Variants in MAST3 observed in about 807,000 individuals in gnomAD.
MAST3 encodes microtubule-associated serine/threonine-protein kinase 3.
A neutral mutation model predicts 127.0 loss-of-function variants in MAST3; 43 were observed. The observed-to-expected ratio is 0.34, with a 90% CI of 0.27 to 0.44. MAST3 has a LOEUF of 0.44. MAST3 is among the 20% of genes least tolerant of loss of function. The pLI is 1.00. For synonymous variants in MAST3, 785 were observed against 809.2 expected (o/e 0.97, Z 0.51); for missense variants, 1,390 against 1,919.1 (o/e 0.72, Z 5.15).
In MAST3 at chr19:18,145,131, G is replaced by A. The variant is rs200457728; in HGVS notation, c.2941G>A (p.Val981Ile). Residue 981 changes from valine to isoleucine, a missense_variant, in exon 24 of 28, where the codon GTT becomes ATT. Val to Ile is a conservative substitution (Grantham distance 29). This residue lies in a region of MAST3 where 816 missense variants were observed against 934.1 expected (regional missense o/e 0.87). Coordinates refer to ENST00000687212, the MANE Select transcript of MAST3 (RefSeq NM_001393504.1). The surrounding 1 kb of genome is among the most constrained non-coding windows in gnomAD (Gnocchi z 5.9). ...PVCGSLRPPI[V>I]IHSSGKKYGF... ...GTGTGGCAGCCTGCGGCCCCCCATC[G>A]TTATCCACAGCTCTGGCAAGAAGTA... 122 of 1,613,740 alleles carry A rather than the reference G, an allele frequency of 7.6e-5. 1 individual carries two copies. The highest frequency in any genetic ancestry group is 1.4e-4 in the South Asian group (13 of 91,080).
rs1264805572 is a variant in MAST3, at chr19:18,149,993, T to C, written c.*267T>C. Reference sequence around the variant, plus strand: ...TTTATTACTTTTTTTTTCTTTTTTTTTTTTTTTTTTTGAGACAGAGTCTCA... The same window carrying C: ...TTTATTACTTTTTTTTTCTTTTTTTCTTTTTTTTTTTGAGACAGAGTCTCA... On this transcript the variant is annotated 3_prime_UTR_variant, in exon 28 of 28. Transcript: ENST00000687212. This position sits in a 1 kb window ranked among gnomAD's most constrained non-coding sequence, Gnocchi z 5.9. 3 of 368,816 alleles carry C rather than the reference T, an allele frequency of 8.1e-6. No individual in the cohort carries two copies. The highest frequency in any genetic ancestry group is 1.5e-5 in the Non-Finnish European group (3 of 203,398). 22.8% of individuals were successfully genotyped at this position (368,816 alleles called of 1,614,324 possible).
chr19:18,123,304 A>C lies in MAST3; in HGVS notation c.487A>C (p.Ser163Arg). 6.2e-7 allele frequency: 1 copy of C among 1,613,818 alleles called. No individual in the cohort carries two copies. ...GCACTTCCTGTCCAAGCACTTCCGC[A>C]GCTCAGAGAATGTGCTTGATGAGGA... is the stretch of plus-strand genomic sequence containing the variant. ...ELHFLSKHFR[S>R]SENVLDEEGG... is the part of the protein sequence containing the mutation. Residue 163 changes from serine (S) to arginine (R), a missense_variant, in exon 7 of 28, where the codon AGC (serine) becomes CGC (arginine). Physicochemically the swap from Ser to Arg is moderately radical, Grantham distance 110 (BLOSUM62 -1). Transcript: ENST00000687212.
At position 18,124,385 on chromosome 19, in the gene MAST3, G is replaced by C. The variant is rs374093066; in HGVS notation, c.945+19G>C. On this transcript the variant is annotated intron_variant, in intron 10 of 27. Transcript: ENST00000687212. ...GTGTCTGGTAAGTTTCTCTTTCTAC[G>C]GCCAGCTTGGGGTCCAGGCAGAACT... is the stretch of plus-strand genomic sequence containing the variant. 2.5e-6 allele frequency: 4 copies of C among 1,574,598 alleles called. No individual in the cohort carries two copies. In the South Asian group the frequency reaches 3.5e-5, roughly 14 times the overall value.
At position 18,112,810 on chromosome 19, in the gene MAST3, G is replaced by C. The variant is rs558812177; in HGVS notation, c.161+2069G>C. Among the ~76,000 whole-genome samples, 1 of 152,246 alleles carries C rather than the reference G, an allele frequency of 6.6e-6. No individual in the cohort carries two copies. Among genetic ancestry groups the C allele is most frequent in the South Asian group, 2.1e-4 (1 of 4,828 alleles). On this transcript the variant is annotated intron_variant, in intron 3 of 27. Transcript: ENST00000687212. The surrounding 1 kb of genome is among the most constrained non-coding windows in gnomAD (Gnocchi z 4.1). ...AGCCTCTGTGTCTGCCTTGGGGGGA[G>C]AAAGTTCTGCTGGGGCCAGGAATGG...
chr19:18,138,489 C>G (rs972864093), intron 19 of MAST3, among the ~76,000 whole-genome samples: 1 of 151,352 alleles, frequency 6.6e-6, no homozygotes, highest in Non-Finnish European at 1.5e-5. Flanking sequence ...CTAATTGGTC[C>G]CACAACTTTT....
At chr19:18,102,218 T>C (rs191980795) in intron 1 of MAST3, among the ~76,000 whole-genome samples, 1 of 151,462 alleles carries the variant, frequency 6.6e-6, no homozygotes, top group Non-Finnish European at 1.5e-5. Context: ...TTCGCTCTTC[T>C]TGCCCAGGCT....
At chr19:18,135,384 G>T (rs1254197878) in intron 17 of MAST3, among the ~76,000 whole-genome samples, 1 of 152,186 alleles carries the variant, frequency 6.6e-6, no homozygotes, top group Non-Finnish European at 1.5e-5. Flanking sequence ...AGAATCACTT[G>T]AACCCAGGAG....
chr19:18,141,956 G>A lies in MAST3; in HGVS notation c.2280G>A (p.Arg760=). Reference sequence around the variant, plus strand: ...CTGAAAGGAGCTTCAGTGAAGACCGGGAGGAGGGGTGGGAGCGCAGCGAAG... The same window carrying A: ...CTGAAAGGAGCTTCAGTGAAGACCGAGAGGAGGGGTGGGAGCGCAGCGAAG... ...TFAERSFSED[R]EEGWERSEVD... The change falls in exon 21 of 28, where the codon CGG becomes CGA. Residue 760 remains arginine (R), a synonymous_variant. Coordinates refer to ENST00000687212, the MANE Select transcript of MAST3 (RefSeq NM_001393504.1). 6.4e-7 allele frequency: 1 copy of A among 1,559,338 alleles called. No individual in the cohort carries two copies. The highest frequency in any genetic ancestry group is 1.2e-5 in the South Asian group (1 of 81,812).
intron 12 of MAST3, 40 bp downstream of exon 12, chr19:18,128,498 C>T (rs1356113238): frequency 2.6e-6 from 4 of 1,542,630 alleles, no homozygotes; most frequent in Non-Finnish European, 3.5e-6. Context: ...TCATCTTGTT[C>T]TTTCCAGAGT....
rs745450510 is a variant in MAST3, at chr19:18,145,104, G to A, written c.2914G>A (p.Val972Met). The A allele has an allele frequency of 2.0e-5, 33 of 1,613,434 alleles. No homozygotes were observed. The highest frequency in any genetic ancestry group is 4.5e-5 in the East Asian group (2 of 44,880). The change falls in exon 24 of 28, where the codon GTG becomes ATG. Residue 972 changes from valine to methionine, a missense_variant. Transcript: ENST00000687212. This position sits in a 1 kb window ranked among gnomAD's most constrained non-coding sequence, Gnocchi z 5.9. ...DSSPSRDPSP[V>M]CGSLRPPIVI... ...TTCGCCGAGCCGAGACCCGTCCCCCGTGTGTGGCAGCCTGCGGCCCCCCAT... is the reference window on the plus strand; with the variant it reads ...TTCGCCGAGCCGAGACCCGTCCCCCATGTGTGGCAGCCTGCGGCCCCCCAT...
intron 6 of MAST3, 112 bp downstream of exon 6, chr19:18,122,863 C>A: frequency 8.8e-7 from 1 of 1,140,266 alleles, no homozygotes; most frequent in Non-Finnish European, 1.3e-6. Context: ...AGCAAACATA[C>A]TAGTTACTTC....
intron 15 of MAST3, among the ~76,000 whole-genome samples, chr19:18,133,151 G>C (rs1463830716): frequency 6.6e-6 from 1 of 151,650 alleles, no homozygotes; most frequent in Non-Finnish European, 1.5e-5. Flanking sequence ...CAGTTGGCAA[G>C]TGGCTTAGAA....
chr19:18,111,512 C>T (rs2038615820), intron 3 of MAST3, among the ~76,000 whole-genome samples: 1 of 144,848 alleles, frequency 6.9e-6, no homozygotes, highest in Non-Finnish European at 1.5e-5. Flanking sequence ...GAATGAGCTG[C>T]TTAACTCTTT....
In MAST3 at chr19:18,112,146, C is replaced by T. The variant is rs2038718707; in HGVS notation, c.161+1405C>T. On this transcript the variant is annotated intron_variant, in intron 3 of 27. Transcript: ENST00000687212. This position sits in a 1 kb window ranked among gnomAD's most constrained non-coding sequence, Gnocchi z 4.1. ...TACTGCATGTGCAAAGGTCCTGTGG[C>T]AGGACTGAGGTGGTGGGTTTTTTGT... Among the ~76,000 whole-genome samples the T allele has an allele frequency of 6.6e-6, 1 of 152,220 alleles. No homozygotes were observed. The highest frequency in any genetic ancestry group is 2.4e-5 in the African/African-American group (1 of 41,458).
At chr19:18,139,244 C>T (rs896682056) in intron 20 of MAST3, 120 bp downstream of exon 20, 15 of 699,596 alleles carry the variant, frequency 2.1e-5, no homozygotes, top group Admixed American at 6.8e-5. Flanking sequence ...TCTTGCTATG[C>T]TGCCCAGGCT....
intron 3 of MAST3, among the ~76,000 whole-genome samples, chr19:18,115,269 G>T (rs1453179875): frequency 2.0e-5 from 3 of 152,066 alleles, no homozygotes; most frequent in Non-Finnish European, 4.4e-5. Flanking sequence ...GCCCTGTTTT[G>T]CAGAGGGGGA....
Position 18,112,038 on chromosome 19 carries a change from A to G in MAST3, c.161+1297A>G, listed in dbSNP as rs1230760407. 1.3e-5 allele frequency among the ~76,000 whole-genome samples: 2 copies of G among 152,264 alleles called. No individual in the cohort carries two copies. The highest frequency in any genetic ancestry group is 2.9e-5 in the Non-Finnish European group (2 of 68,052). On this transcript the variant is annotated intron_variant, in intron 3 of 27. Transcript: ENST00000687212. This position sits in a 1 kb window ranked among gnomAD's most constrained non-coding sequence, Gnocchi z 4.1. ...TAAAACTAATGGATAAACAAGATGT[A>G]TTCAGACAGGGACCTCTTGGGGAGG...
At position 18,147,565 on chromosome 19, in the gene MAST3, A is replaced by G. The variant is rs866866421; in HGVS notation, c.3449A>G (p.His1150Arg). The G allele has an allele frequency of 6.3e-7, 1 of 1,583,030 alleles. No homozygotes were observed. The highest frequency in any genetic ancestry group is 1.1e-5 in the South Asian group (1 of 87,324). Residue 1150 changes from histidine to arginine, a missense_variant, in exon 27 of 28, where the codon CAC (histidine) becomes CGC (arginine). Around this residue, in one of 5 missense-constraint regions of MAST3, gnomAD observed 816 missense variants for 934.1 expected, o/e 0.87. Transcript: ENST00000687212. ...SSESLPGSPTHSLSPSPTTPC... is the reference protein window; with the variant it reads ...SSESLPGSPTRSLSPSPTTPC... ...GAGAGCCTCCCCGGCTCGCCCACCC[A>G]CAGCCTCTCCCCCAGCCCCACCACT...
rs776754387 is a variant in MAST3 at position 18,134,729 on chromosome 19, T to C, written c.1704+18T>C. 5 of 1,612,690 alleles carry C rather than the reference T, an allele frequency of 3.1e-6. No individual in the cohort carries two copies. The highest frequency in any genetic ancestry group is 1.7e-4 in the Middle Eastern group (1 of 6,058). ...ACAAGCAGGTGGGCGGGCAGGTGGG[T>C]GGGCAGCCCCGGGATGCCTCCTCCT... On this transcript the variant is annotated intron_variant, in intron 16 of 27. Transcript: ENST00000687212.
Sources: gnomAD v4.1 joint callset for allele counts (sites outside exome capture counted in the v4.1 genomes callset) on GRCh38, gnomAD v4.1.1 for gene constraint, gnomAD v4.1.1 regional missense constraint, Gnocchi (gnomAD v3.1) non-coding constraint, MANE v1.5 for transcripts, NCBI Gene and HGNC (gene_info 2026-07-23, HGNC 2026-07-21) for gene names.